EIF4E3: variants seen among roughly 807,000 people sequenced by gnomAD.
EIF4E3 encodes eukaryotic translation initiation factor 4E family member 3.
A neutral mutation model predicts 31.7 loss-of-function variants in EIF4E3; 26 were observed. The observed-to-expected ratio is 0.82, with a 90% CI of 0.60 to 1.14. The LOEUF is 1.14. Ranked by LOEUF, EIF4E3 falls within the 50% of genes most tolerant of loss-of-function variation. EIF4E3 has a pLI of 0.00. For missense variants in EIF4E3, 304 were observed against 270.9 expected (o/e 1.12, Z -0.86); for synonymous variants, 128 against 107.7 (o/e 1.19, Z -1.17).
Position 71,683,696 on chromosome 3 carries a change from G to C in EIF4E3, c.*986C>G, listed in dbSNP as rs1162079063. The C allele has an allele frequency of 6.6e-6, 1 of 152,152 alleles. No homozygotes were observed. Among genetic ancestry groups the C allele is most frequent in the Non-Finnish European group, 1.5e-5 (1 of 68,026 alleles). 9.4% of individuals were successfully genotyped at this position (152,152 alleles called of 1,614,324 possible). ...GTGGGGACAGCTGCCCAGGCTGGAG[G>C]ACTACTGATGATGAGAAATGACACA... On this transcript the variant is annotated 3_prime_UTR_variant, in exon 7 of 7. Coordinates refer to ENST00000425534, the MANE Select transcript of EIF4E3 (RefSeq NM_001134651.2).
chr3:71,712,623 T>C (rs2049395775), intron 1 of EIF4E3, among the ~76,000 whole-genome samples: 1 of 37,218 alleles, frequency 2.7e-5, no homozygotes, highest in Admixed American at 2.3e-4. Context: ...TATGTGTGTG[T>C]GTTGCGGGGG....
intron 1 of EIF4E3, among the ~76,000 whole-genome samples, chr3:71,734,073 T>C (rs997562799): frequency 2.0e-5 from 3 of 152,230 alleles, no homozygotes; most frequent in African/African-American, 7.2e-5. Flanking sequence ...TTCACTCTTT[T>C]CCTGTTCATT....
In EIF4E3 at chr3:71,694,079, C is replaced by A; in HGVS notation, c.406-138G>T. On this transcript the variant is annotated intron_variant, in intron 4 of 6. Coordinates refer to ENST00000425534, the MANE Select transcript of EIF4E3 (RefSeq NM_001134651.2). The stretch of plus-strand genomic sequence containing the variant: ...TGCCCATACTTGGAGTCCACAGACA[C>A]CTCCAAATCCTAGGTGCAAACACTT... 4 of 707,508 alleles carry A rather than the reference C, an allele frequency of 5.7e-6. No individual in the cohort carries two copies. In the South Asian group the frequency reaches 6.9e-5, roughly 12 times the overall value. The allele number at this position is 707,508 out of a possible 1,614,324, so 43.8% of individuals were successfully genotyped here.
intron 1 of EIF4E3, among the ~76,000 whole-genome samples, chr3:71,713,531 G>A (rs532127596): frequency 2.4e-4 from 36 of 152,106 alleles, no homozygotes; most frequent in African/African-American, 8.4e-4. Context: ...CGACCTCCTG[G>A]GCTCAAGCAA....
At chr3:71,714,274 G>GAAGA (rs2049429595) in intron 1 of EIF4E3, among the ~76,000 whole-genome samples, 1 of 51,146 alleles carries the variant, frequency 2.0e-5, no homozygotes, top group Admixed American at 2.6e-4. Flanking sequence ...AGGAAGGAAA[G>GAAGA]AAGGAAGGAA....
At position 71,683,157 on chromosome 3, in the gene EIF4E3, C is replaced by G. The variant is rs1165336103; in HGVS notation, c.*1525G>C. ...TATTATGGCTGAGGTGGTTACTAAC[C>G]AAGTGAAGGGCACAACTTCCATAAG... is the stretch of plus-strand genomic sequence containing the variant. On this transcript the variant is annotated 3_prime_UTR_variant, in exon 7 of 7. Transcript: ENST00000425534. 2 of 151,922 alleles carry G rather than the reference C, an allele frequency of 1.3e-5. No individual in the cohort carries two copies. The highest frequency in any genetic ancestry group is 2.9e-5 in the Non-Finnish European group (2 of 67,998). 9.4% of individuals were successfully genotyped at this position (151,922 alleles called of 1,614,324 possible).
chr3:71,718,817 C>A (rs1398973333), intron 1 of EIF4E3, among the ~76,000 whole-genome samples: 2 of 152,160 alleles, frequency 1.3e-5, no homozygotes, highest in Non-Finnish European at 2.9e-5. Flanking sequence ...CCTTGCCCTG[C>A]CAGATGTTCT....
In EIF4E3 at chr3:71,682,726, C is replaced by T. The variant is rs1214284508; in HGVS notation, c.*1956G>A. 2.0e-5 allele frequency: 3 copies of T among 152,694 alleles called. No homozygotes were observed. The highest frequency in any genetic ancestry group is 4.1e-4 in the South Asian group (2 of 4,824). 9.5% of individuals were successfully genotyped at this position (152,694 alleles called of 1,614,324 possible). A position where few individuals can be genotyped will look rare whatever the true frequency, so the allele number is the denominator to read the frequency against. Reference sequence around the variant, plus strand: ...CATAAACAGAAACTAGAAATATTAACGTGAGCCTAACATTCCTATTTATTT... The same window carrying T: ...CATAAACAGAAACTAGAAATATTAATGTGAGCCTAACATTCCTATTTATTT... On this transcript the variant is annotated 3_prime_UTR_variant, in exon 7 of 7. Transcript: ENST00000425534.
chr3:71,752,259 G>A (rs1015122391), intron 1 of EIF4E3, among the ~76,000 whole-genome samples: 11 of 152,096 alleles, frequency 7.2e-5, no homozygotes, highest in Non-Finnish European at 1.3e-4. Context: ...ATTTTAACAG[G>A]GTCCCCAGTG....
intron 2 of EIF4E3, among the ~76,000 whole-genome samples, chr3:71,707,439 C>A (rs1460079035): frequency 2.6e-5 from 4 of 152,098 alleles, no homozygotes; most frequent in African/African-American, 9.7e-5. Context: ...GGCTAAGTGC[C>A]AAGCATTACT....
At chr3:71,700,032 G>A (rs879405110) in intron 2 of EIF4E3, among the ~76,000 whole-genome samples, 1 of 152,052 alleles carries the variant, frequency 6.6e-6, no homozygotes, top group Non-Finnish European at 1.5e-5. Flanking sequence ...AAATTAGCTG[G>A]GCATGGTGAC....
intron 2 of EIF4E3, among the ~76,000 whole-genome samples, chr3:71,709,952 C>T (rs1251569513): frequency 1.3e-5 from 2 of 152,038 alleles, no homozygotes; most frequent in African/African-American, 4.8e-5. Flanking sequence ...CAAGCAGAGA[C>T]TCTCCACCTT....
chr3:71,727,889 A>G (rs2049659054), upstream of EIF4E3, among the ~76,000 whole-genome samples: 3 of 152,236 alleles, frequency 2.0e-5, no homozygotes, highest in Admixed American at 2.0e-4. Context: ...CAGTTTCTGT[A>G]AAAGGATTGT....
chr3:71,706,139 G>A (rs982229787), intron 2 of EIF4E3, among the ~76,000 whole-genome samples: 1 of 152,210 alleles, frequency 6.6e-6, no homozygotes, highest in Admixed American at 6.5e-5. Flanking sequence ...TGTGATGAAA[G>A]TGTCCTCAGC....
chr3:71,673,447 A>G (rs559327856), downstream of EIF4E3, among the ~76,000 whole-genome samples: 6 of 152,270 alleles, frequency 3.9e-5, no homozygotes, highest in African/African-American at 1.4e-4. Flanking sequence ...CTCTGTGGTT[A>G]CTGAATTCAG....
chr3:71,721,211 C>A (rs570426190), intron 1 of EIF4E3, among the ~76,000 whole-genome samples: 3 of 152,084 alleles, frequency 2.0e-5, no homozygotes, highest in Non-Finnish European at 4.4e-5. Flanking sequence ...GAAGTCACTG[C>A]GGGTAGAATT....
At chr3:71,708,904 C>T (rs1168970490) in intron 2 of EIF4E3, among the ~76,000 whole-genome samples, 1 of 152,208 alleles carries the variant, frequency 6.6e-6, no homozygotes, top group Non-Finnish European at 1.5e-5. Context: ...AGCACTGCTG[C>T]TCTGCTTCCC....
At chr3:71,714,319 GGAAA>G (rs1232409951) in intron 1 of EIF4E3, among the ~76,000 whole-genome samples, 33 of 144,500 alleles carry the variant, frequency 2.3e-4, no homozygotes, top group South Asian at 1.1e-3. Context: ...AGAAAGGAAA[GGAAA>G]GAAAGAAAGA....
intron 5 of EIF4E3, among the ~76,000 whole-genome samples, chr3:71,692,606 T>C (rs1274191719): frequency 6.6e-6 from 1 of 152,066 alleles, no homozygotes; most frequent in Admixed American, 6.5e-5. Context: ...TTCTTTTTTT[T>C]TTTTTTTGAA....
Sources: allele counts gnomAD v4.1 joint callset (sites outside exome capture counted in the v4.1 genomes callset), GRCh38; gene constraint gnomAD v4.1.1; transcripts MANE v1.5; gene names NCBI Gene and HGNC (gene_info 2026-07-23, HGNC 2026-07-21).